AKAP19: variants seen among roughly 807,000 people sequenced by gnomAD.
AKAP19 encodes A-kinase anchoring protein 19.
the AKAP19 span, among the ~76,000 whole-genome samples, chr2:190,083,207 C>T: frequency 6.6e-6 from 1 of 151,972 alleles, no homozygotes; most frequent in Non-Finnish European, 1.5e-5. Context: ...GGCAAAACCC[C>T]GTCTCTACTA....
the AKAP19 span, among the ~76,000 whole-genome samples, chr2:190,143,776 G>A: frequency 6.6e-6 from 1 of 150,736 alleles, no homozygotes. Flanking sequence ...CAAGCCAAAT[G>A]TCCAACAATG....
At chr2:189,909,320 A>G in the AKAP19 span, among the ~76,000 whole-genome samples, 5 of 146,580 alleles carry the variant, frequency 3.4e-5, no homozygotes, top group African/African-American at 1.3e-4. Context: ...CAGTCACTGT[A>G]TCTTTTGATT....
chr2:189,890,600 C>G, the AKAP19 span, among the ~76,000 whole-genome samples: 1 of 152,240 alleles, frequency 6.6e-6, no homozygotes, highest in Admixed American at 6.5e-5. Flanking sequence ...AATCTAGGTG[C>G]TCCTGTATTG....
the AKAP19 span, among the ~76,000 whole-genome samples, chr2:190,180,298 T>G: frequency 6.6e-6 from 1 of 152,162 alleles, no homozygotes; most frequent in Non-Finnish European, 1.5e-5. This position sits in a 1 kb window ranked among gnomAD's most constrained non-coding sequence, Gnocchi z 6.8. Flanking sequence ...GCGGCCAGGC[T>G]GCGGGGCCCC....
At chr2:190,166,821 C>T in the AKAP19 span, among the ~76,000 whole-genome samples, 1 of 152,020 alleles carries the variant, frequency 6.6e-6, no homozygotes, top group African/African-American at 2.4e-5. Context: ...TGGAAATAGT[C>T]CCTTTAAAAG....
the AKAP19 span, among the ~76,000 whole-genome samples, chr2:190,039,080 G>C: frequency 9.1e-6 from 1 of 109,932 alleles, no homozygotes; most frequent in Non-Finnish European, 1.9e-5. Context: ...TTCTTTTTTT[G>C]TTTGTTTTTT....
the AKAP19 span, chr2:189,923,946 T>A: frequency 7.5e-6 from 12 of 1,609,978 alleles, no homozygotes; most frequent in African/African-American, 5.4e-5. Flanking sequence ...CTGGAAAAAA[T>A]TGAAAAGGAA....
chr2:190,143,693 A>G, the AKAP19 span, among the ~76,000 whole-genome samples: 9 of 152,136 alleles, frequency 5.9e-5, no homozygotes, highest in Admixed American at 3.9e-4. Flanking sequence ...AGGACTATAA[A>G]TCATGCTGCT....
chr2:190,180,847 G>C, the AKAP19 span: 2 of 985,288 alleles, frequency 2.0e-6, no homozygotes, highest in Non-Finnish European at 2.4e-6. The surrounding 1 kb of genome is among the most constrained non-coding windows in gnomAD (Gnocchi z 6.8). Context: ...CGCCGCCGAA[G>C]GACGCCCCGT....
chr2:189,991,009 A>G, the AKAP19 span, among the ~76,000 whole-genome samples: 3 of 152,336 alleles, frequency 2.0e-5, no homozygotes, highest in Non-Finnish European at 2.9e-5. Context: ...TCCAGGCTGC[A>G]GCAAATACCA....
At chr2:190,025,363 C>T in the AKAP19 span, among the ~76,000 whole-genome samples, 2 of 152,260 alleles carry the variant, frequency 1.3e-5, no homozygotes, top group African/African-American at 4.8e-5. Flanking sequence ...CTCCATCCCC[C>T]CACATCATGT....
chr2:190,169,383 A>G, the AKAP19 span, among the ~76,000 whole-genome samples: 1 of 152,148 alleles, frequency 6.6e-6, no homozygotes, highest in African/African-American at 2.4e-5. Flanking sequence ...TGTATCCTGC[A>G]GCTCAAGCTG....
At chr2:190,120,370 G>A in the AKAP19 span, among the ~76,000 whole-genome samples, 2 of 152,268 alleles carry the variant, frequency 1.3e-5, no homozygotes, top group Non-Finnish European at 2.9e-5. Flanking sequence ...GCTGGGGGGG[G>A]CCTGTCTCAG....
the AKAP19 span, among the ~76,000 whole-genome samples, chr2:190,059,093 C>T: frequency 6.6e-6 from 1 of 151,624 alleles, no homozygotes; most frequent in African/African-American, 2.4e-5. Flanking sequence ...TAGAGTAGAT[C>T]TGATCTGCTA....
the AKAP19 span, among the ~76,000 whole-genome samples, chr2:190,161,743 T>C: frequency 1.3e-5 from 2 of 152,162 alleles, no homozygotes; most frequent in Non-Finnish European, 2.9e-5. Flanking sequence ...GTTCATTAAA[T>C]AGGAATGTGT....
At chr2:189,913,393 A>C in the AKAP19 span, among the ~76,000 whole-genome samples, 8 of 152,104 alleles carry the variant, frequency 5.3e-5, no homozygotes, top group Admixed American at 5.2e-4. Context: ...TATAGATTAA[A>C]AATTATCCAG....
chr2:190,038,261 C>T, the AKAP19 span, among the ~76,000 whole-genome samples: 10 of 152,258 alleles, frequency 6.6e-5, no homozygotes, highest in East Asian at 5.8e-4. Flanking sequence ...GATCCCTGTA[C>T]CTTGTCATCC....
the AKAP19 span, among the ~76,000 whole-genome samples, chr2:190,036,960 A>G: frequency 1.3e-5 from 2 of 152,238 alleles, no homozygotes; most frequent in Non-Finnish European, 1.5e-5. Flanking sequence ...AAAAGACAAC[A>G]TTTCTACATT....
At chr2:190,011,440 A>AT in the AKAP19 span, among the ~76,000 whole-genome samples, 16 of 151,926 alleles carry the variant, frequency 1.1e-4, no homozygotes, top group African/African-American at 3.1e-4. Context: ...ACATGATGTA[A>AT]TTTTTTCTGT....
Sources: allele counts gnomAD v4.1 joint callset (sites outside exome capture counted in the v4.1 genomes callset), GRCh38; gene constraint gnomAD v4.1.1; non-coding constraint Gnocchi (gnomAD v3.1); transcripts MANE v1.5; gene names NCBI Gene and HGNC (gene_info 2026-07-23, HGNC 2026-07-21).